The following CACNA1C variants were observed in gnomAD, a reference collection of about 807,000 sequenced individuals.
CACNA1C encodes calcium voltage-gated channel subunit alpha1 C, also known as voltage-dependent L-type calcium channel subunit alpha-1C.
Under a neutral mutation model 229.0 loss-of-function variants are expected in CACNA1C, and 30 were observed. The ratio of observed to expected loss-of-function variants is 0.13; its 90% CI spans 0.10 to 0.18. The LOEUF is 0.18. CACNA1C is among the 10% of genes least tolerant of loss of function. The pLI is 1.00. For synonymous variants in CACNA1C, 1,114 were observed against 1,132.5 expected (o/e 0.98, Z 0.33); for missense variants, 1,658 against 2,845.0 (o/e 0.58, Z 9.49).
At chr12:2,586,606 G>A (rs1048862319) in intron 18 of CACNA1C, among the ~76,000 whole-genome samples, 4 of 152,204 alleles carry the variant, frequency 2.6e-5, no homozygotes, top group African/African-American at 9.7e-5. Flanking sequence ...TCAATAACAT[G>A]CTATCAAGGG....
At chr12:2,186,998 TCCTGTCCTGCTGCCCCCTTG>T (rs571223895) in intron 3 of CACNA1C, among the ~76,000 whole-genome samples, 2 of 151,880 alleles carry the variant, frequency 1.3e-5, no homozygotes, top group East Asian at 3.9e-4. Flanking sequence ...CCGACCCCTT[TCCTGTCCTGCTGCCCCCTTG>T]CCTGTCCTGC....
intron 3 of CACNA1C, among the ~76,000 whole-genome samples, chr12:2,360,816 GA>G (rs1247388982): frequency 2.0e-5 from 3 of 152,196 alleles, no homozygotes; most frequent in Non-Finnish European, 4.4e-5. Flanking sequence ...ATTTCGTAGT[GA>G]AGTATTTTAA....
At chr12:1,987,643 T>C (rs895332012) in intron 1 of CACNA1C, among the ~76,000 whole-genome samples, 1 of 152,222 alleles carries the variant, frequency 6.6e-6, no homozygotes, top group African/African-American at 2.4e-5. Context: ...ATATCATGTA[T>C]GTACCATTTC....
intron 29 of CACNA1C, among the ~76,000 whole-genome samples, chr12:2,619,601 C>T (rs1050092392): frequency 1.3e-5 from 2 of 152,118 alleles, no homozygotes; most frequent in Non-Finnish European, 2.9e-5. Context: ...TAAACTATCA[C>T]TCCCCTTTCC....
intron 3 of CACNA1C, among the ~76,000 whole-genome samples, chr12:2,320,495 A>G (rs2095925019): frequency 1.3e-5 from 2 of 152,236 alleles, no homozygotes; most frequent in South Asian, 4.1e-4. Flanking sequence ...AATTAGCAGA[A>G]TGTACACGTG....
At chr12:2,033,662 A>G (rs1213201240) in intron 1 of CACNA1C, among the ~76,000 whole-genome samples, 1 of 152,174 alleles carries the variant, frequency 6.6e-6, no homozygotes, top group Non-Finnish European at 1.5e-5. Context: ...ACAACAAAAC[A>G]ACAACAACAT....
chr12:2,258,834 C>T (rs896374920), intron 3 of CACNA1C, among the ~76,000 whole-genome samples: 16 of 152,190 alleles, frequency 1.1e-4, no homozygotes, highest in Non-Finnish European at 1.5e-4. Flanking sequence ...ATTTTTGTCT[C>T]ATTAAAATGA....
intron 3 of CACNA1C, among the ~76,000 whole-genome samples, chr12:2,156,499 T>C (rs2095563115): frequency 6.6e-6 from 1 of 152,256 alleles, no homozygotes; most frequent in South Asian, 2.1e-4. Flanking sequence ...TTTTTTTGTA[T>C]TTGAAATACT....
Position 2,203,594 on chromosome 12 carries a change from G to A in CACNA1C, c.477+83164G>A, listed in dbSNP as rs140613181. Among the ~76,000 whole-genome samples, 37 of 152,286 alleles carry A rather than the reference G, an allele frequency of 2.4e-4. No homozygotes were observed. In the East Asian group the frequency reaches 6.0e-3, roughly 25 times the overall value. ...GTGGCTGCAGTCCTATGGCCAAGCC[G>A]GTACCTGTACCTCCAGGGATCCGCA... On this transcript the variant is annotated intron_variant, in intron 3 of 46. Coordinates refer to ENST00000399655, the MANE Select transcript of CACNA1C (RefSeq NM_000719.7).
intron 3 of CACNA1C, among the ~76,000 whole-genome samples, chr12:2,175,749 C>CCAA (rs2096626955): frequency 2.0e-4 from 31 of 152,122 alleles, no homozygotes; most frequent in Admixed American, 2.0e-3. Context: ...TAAAGAAGAA[C>CCAA]GCTCTCTCAT....
At chr12:2,018,360 AATTT>A (rs2045778668) in intron 1 of CACNA1C, 1 of 152,200 alleles carries the variant, frequency 6.6e-6, no homozygotes, top group Non-Finnish European at 1.5e-5. Flanking sequence ...TTTCTAATAT[AATTT>A]ATTTAGTTGT....
chr12:2,592,007 G>A (rs74053872), intron 18 of CACNA1C, among the ~76,000 whole-genome samples: 22 of 152,200 alleles, frequency 1.4e-4, no homozygotes, highest in East Asian at 7.7e-4. Context: ...CCATCCTAGC[G>A]CAGAATAACT....
chr12:2,393,425 C>T (rs780232462), intron 3 of CACNA1C, among the ~76,000 whole-genome samples: 4 of 152,214 alleles, frequency 2.6e-5, no homozygotes, highest in Admixed American at 6.5e-5. Context: ...CTAGAGTACA[C>T]GCTTCTGACT....
chr12:2,395,955 G>A (rs2098560416), intron 3 of CACNA1C, among the ~76,000 whole-genome samples: 1 of 152,244 alleles, frequency 6.6e-6, no homozygotes, highest in Admixed American at 6.5e-5. Context: ...AGTGTTCAGA[G>A]GGATTAATTT....
rs987442289 is a variant in CACNA1C, at chr12:2,282,151, A to G, written c.477+161721A>G. ...ATGATTATTATTTCAGAACCAATCCAGAGCTTCTGTTCCCAAAGCCAAACT... is the reference window on the plus strand; with the variant it reads ...ATGATTATTATTTCAGAACCAATCCGGAGCTTCTGTTCCCAAAGCCAAACT... On this transcript the variant is annotated intron_variant, in intron 3 of 46. Coordinates refer to ENST00000399655, the MANE Select transcript of CACNA1C (RefSeq NM_000719.7). Among the ~76,000 whole-genome samples, 4 of 152,344 alleles carry G rather than the reference A, an allele frequency of 2.6e-5. No individual in the cohort carries two copies. In the South Asian group the frequency reaches 6.2e-4, roughly 24 times the overall value.
chr12:2,062,990 T>C lies in CACNA1C; in HGVS notation c.49+9379T>C, dbSNP rs113926877. ...AAATTTACCCTTTTGATGTGTATGA[T>C]TCAGTGGTCTACCTACTTCCCCAAT... On this transcript the variant is annotated intron_variant, in intron 1 of 46. Coordinates refer to ENST00000399655, the MANE Select transcript of CACNA1C (RefSeq NM_000719.7). Among the ~76,000 whole-genome samples, 5 of 152,266 alleles carry C rather than the reference T, an allele frequency of 3.3e-5. 1 individual carries two copies. Among genetic ancestry groups the C allele is most frequent in the African/African-American group, 1.2e-4 (5 of 41,544 alleles).
At chr12:2,264,684 C>A (rs897879621) in intron 3 of CACNA1C, among the ~76,000 whole-genome samples, 4 of 152,214 alleles carry the variant, frequency 2.6e-5, no homozygotes, top group Admixed American at 2.0e-4. Context: ...CGGAGGCCAG[C>A]CAGCCCTTTT....
intron 3 of CACNA1C, among the ~76,000 whole-genome samples, chr12:2,412,907 GC>G (rs2098824104): frequency 6.6e-6 from 1 of 152,184 alleles, no homozygotes; most frequent in African/African-American, 2.4e-5. Context: ...TGAAAAGCAT[GC>G]AACTCTGTCC....
intron 3 of CACNA1C, among the ~76,000 whole-genome samples, chr12:2,428,132 G>C (rs369938850): frequency 1.1e-5 from 1 of 91,800 alleles, no homozygotes; most frequent in Non-Finnish European, 2.2e-5. Context: ...ATTGACTTAT[G>C]TACTGTCTGT....
Sources: gnomAD v4.1 joint callset for allele counts (sites outside exome capture counted in the v4.1 genomes callset) on GRCh38, gnomAD v4.1.1 for gene constraint, MANE v1.5 for transcripts, NCBI Gene and HGNC (gene_info 2026-07-23, HGNC 2026-07-21) for gene names.